The following AKT3 variants were observed in gnomAD, a reference collection of about 807,000 sequenced individuals.
The protein encoded by AKT3 is AKT serine/threonine kinase 3.
A neutral mutation model predicts 65.3 loss-of-function variants in AKT3; 15 were observed. The observed-to-expected ratio is 0.23, with a 90% CI of 0.15 to 0.35. The LOEUF is 0.35. AKT3 is among the 10% of genes least tolerant of loss of function. The probability of loss-of-function intolerance (pLI) is 1.00; values close to 1 mark genes in which losing one functional copy is unlikely to be tolerated. For missense variants in AKT3, 243 were observed against 576.5 expected (o/e 0.42, Z 5.92); for synonymous variants, 206 against 183.8 (o/e 1.12, Z -0.98).
At chr1:243,822,677 C>G (rs113085028) in intron 2 of AKT3, among the ~76,000 whole-genome samples, 33,394 of 151,924 alleles carry the variant, frequency 0.22, 3,942 homozygotes, top group East Asian at 0.32. Flanking sequence ...ACTAGAAAAT[C>G]TAGAAGAAAT....
chr1:243,828,643 T>C (rs950923120), intron 2 of AKT3, among the ~76,000 whole-genome samples: 5 of 152,162 alleles, frequency 3.3e-5, no homozygotes, highest in African/African-American at 1.2e-4. Flanking sequence ...TTAATAACAT[T>C]TTTTCTCTTA....
At position 243,615,144 on chromosome 1, in the gene AKT3, A is replaced by C; in HGVS notation, c.579T>G (p.Thr193=). ...VIIAKDEVAH[T]LTESRVLKNT... ...TCTTTAATACTCTGCTTTCAGTTAGAGTGTGTGCCACTTCATCCTACAAAA... is the reference window on the plus strand; with the variant it reads ...TCTTTAATACTCTGCTTTCAGTTAGCGTGTGTGCCACTTCATCCTACAAAA... Residue 193 remains threonine, a synonymous_variant, in exon 7 of 14, where the codon ACT becomes ACG. Coordinates refer to ENST00000673466, the MANE Select transcript of AKT3 (RefSeq NM_005465.7). The C allele has an allele frequency of 6.2e-7, 1 of 1,608,654 alleles. No homozygotes were observed. Among genetic ancestry groups the C allele is most frequent in the Non-Finnish European group, 8.5e-7 (1 of 1,176,902 alleles).
intron 12 of AKT3, among the ~76,000 whole-genome samples, chr1:243,534,129 G>C (rs747177965): frequency 1.3e-5 from 2 of 151,982 alleles, no homozygotes; most frequent in African/African-American, 2.4e-5. Context: ...CTAACTATAT[G>C]GTCTACAAGA....
At chr1:243,693,825 C>A (rs1368293893) in intron 3 of AKT3, among the ~76,000 whole-genome samples, 4 of 151,990 alleles carry the variant, frequency 2.6e-5, no homozygotes, top group Non-Finnish European at 5.9e-5. Flanking sequence ...GAGTAAGATC[C>A]ATGTTACTAA....
intron 13 of AKT3, among the ~76,000 whole-genome samples, chr1:243,509,981 G>A (rs770893568): frequency 5.9e-5 from 9 of 152,144 alleles, no homozygotes; most frequent in Admixed American, 5.9e-4. Flanking sequence ...CCCAAATTGG[G>A]ATTTCACTTT....
At chr1:243,758,996 T>A (rs1689322856) in intron 2 of AKT3, among the ~76,000 whole-genome samples, 1 of 152,104 alleles carries the variant, frequency 6.6e-6, no homozygotes, top group Admixed American at 6.5e-5. Context: ...TGACTTAAGT[T>A]AAGTAGGATC....
At chr1:243,538,788 G>A (rs1672099969) in intron 12 of AKT3, among the ~76,000 whole-genome samples, 1 of 150,984 alleles carries the variant, frequency 6.6e-6, no homozygotes, top group African/African-American at 2.4e-5. Context: ...TTGAGCCCAG[G>A]AGTTCAAATC....
In AKT3 at chr1:243,526,180, G is replaced by A. The variant is rs1176733906; in HGVS notation, c.1252-13754C>T. ...TCCATAGGACAGTAAGTTGAGAAGC[G>A]AAGATGCAAGCAAAGCCAGGAGAGG... On this transcript the variant is annotated intron_variant, in intron 12 of 13. Coordinates refer to ENST00000673466, the MANE Select transcript of AKT3 (RefSeq NM_005465.7). 3.3e-5 allele frequency among the ~76,000 whole-genome samples: 5 copies of A among 152,166 alleles called. No homozygotes were observed. The East Asian group carries it at 7.8e-4, about 24-fold the overall frequency.
At chr1:243,658,693 C>A (rs557344310) in intron 4 of AKT3, among the ~76,000 whole-genome samples, 1 of 151,854 alleles carries the variant, frequency 6.6e-6, no homozygotes, top group African/African-American at 2.4e-5. Context: ...GCACTATTCG[C>A]AATAGCCAAG....
intron 2 of AKT3, among the ~76,000 whole-genome samples, chr1:243,785,327 C>T (rs1248220307): frequency 6.6e-6 from 1 of 151,908 alleles, no homozygotes; most frequent in Non-Finnish European, 1.5e-5. Context: ...ATCTGCCCGC[C>T]TCGGCCTCCC....
intron 13 of AKT3, among the ~76,000 whole-genome samples, chr1:243,510,801 T>C (rs1015135049): frequency 6.6e-6 from 1 of 152,242 alleles, no homozygotes; most frequent in African/African-American, 2.4e-5. Flanking sequence ...CGGAAGGTTT[T>C]AAGCAGAGGA....
intron 13 of AKT3, among the ~76,000 whole-genome samples, chr1:243,490,652 C>T (rs1666174449): frequency 6.6e-6 from 1 of 152,250 alleles, no homozygotes; most frequent in African/African-American, 2.4e-5. Flanking sequence ...GTGCTGAGTG[C>T]AGGCGGGATG....
At chr1:243,565,168 T>C (rs762716612) in intron 9 of AKT3, among the ~76,000 whole-genome samples, 14 of 152,176 alleles carry the variant, frequency 9.2e-5, no homozygotes, top group Non-Finnish European at 1.9e-4. Context: ...CAGAGGTAAG[T>C]CTGGCTTCAA....
At chr1:243,850,378 A>T (rs1331203201), upstream of AKT3, among the ~76,000 whole-genome samples, 4 of 150,728 alleles carry the variant, frequency 2.7e-5, no homozygotes, top group Non-Finnish European at 5.9e-5. Flanking sequence ...GAGACTCTAC[A>T]TGGGAATCGG....
At chr1:243,838,402 G>C (rs1177187740) in intron 2 of AKT3, among the ~76,000 whole-genome samples, 1 of 151,852 alleles carries the variant, frequency 6.6e-6, no homozygotes, top group Non-Finnish European at 1.5e-5. Context: ...CTTGCTGCTG[G>C]GTAGTAAACA....
At chr1:243,650,499 G>A (rs1204643846) in intron 4 of AKT3, among the ~76,000 whole-genome samples, 1 of 152,136 alleles carries the variant, frequency 6.6e-6, no homozygotes, top group Non-Finnish European at 1.5e-5. Flanking sequence ...TGTCCTGAAT[G>A]GTACTGCCTA....
intron 2 of AKT3, among the ~76,000 whole-genome samples, chr1:243,787,911 C>T (rs779059186): frequency 3.9e-5 from 6 of 152,124 alleles, no homozygotes; most frequent in Non-Finnish European, 8.8e-5. Flanking sequence ...CACTCTCTTC[C>T]CCACCTCCAT....
intron 2 of AKT3, among the ~76,000 whole-genome samples, chr1:243,785,924 C>G (rs1558809057): frequency 6.6e-6 from 1 of 152,206 alleles, no homozygotes; most frequent in African/African-American, 2.4e-5. Context: ...GGAAAGAAGA[C>G]AAAGTGGAAA....
chr1:243,738,322 G>C (rs556994313), intron 2 of AKT3, among the ~76,000 whole-genome samples: 2 of 152,130 alleles, frequency 1.3e-5, no homozygotes, highest in Non-Finnish European at 2.9e-5. Flanking sequence ...GAGACTAAAA[G>C]GTCTCTTTGG....
Sources: gnomAD v4.1 joint callset for allele counts (sites outside exome capture counted in the v4.1 genomes callset) on GRCh38, gnomAD v4.1.1 for gene constraint, MANE v1.5 for transcripts, NCBI Gene and HGNC (gene_info 2026-07-23, HGNC 2026-07-21) for gene names.